Variants in NEGR1 observed in about 807,000 individuals in gnomAD.
The protein encoded by NEGR1 is neuronal growth regulator 1.
NEGR1 carries 10 observed loss-of-function variants against 40.9 expected under a neutral mutation model. The ratio of observed to expected loss-of-function variants is 0.24; its 90% CI spans 0.15 to 0.42. The LOEUF is 0.42. Among genes scored for constraint, NEGR1 ranks in the 10% least tolerant of loss-of-function variants. The pLI is 1.00. For missense variants in NEGR1, 352 were observed against 438.9 expected (o/e 0.80, Z 1.77); for synonymous variants, 185 against 166.8 (o/e 1.11, Z -0.84).
At chr1:72,057,206 A>G (rs971677641) in intron 1 of NEGR1, among the ~76,000 whole-genome samples, 4 of 151,670 alleles carry the variant, frequency 2.6e-5, no homozygotes, top group Non-Finnish European at 5.9e-5. Context: ...TACACAAATT[A>G]CTTACAACAG....
chr1:71,610,885 GC>G, intron 5 of NEGR1, 140 bp downstream of exon 5: 1 of 736,016 alleles, frequency 1.4e-6, no homozygotes, highest in Non-Finnish European at 2.2e-6. Flanking sequence ...TCCCACGTGG[GC>G]CCCTTCAGTT....
At chr1:71,731,805 A>G (rs1378904848) in intron 3 of NEGR1, among the ~76,000 whole-genome samples, 2 of 152,184 alleles carry the variant, frequency 1.3e-5, no homozygotes, top group African/African-American at 2.4e-5. Flanking sequence ...GCACTGATAT[A>G]AAACTGTCAA....
chr1:72,257,077 C>G (rs1655294127), intron 1 of NEGR1, among the ~76,000 whole-genome samples: 1 of 152,060 alleles, frequency 6.6e-6, no homozygotes, highest in Non-Finnish European at 1.5e-5. Flanking sequence ...AATCCCAGCA[C>G]TTTGGGAGGC....
At chr1:71,533,631 A>G (rs1261401765) in intron 6 of NEGR1, among the ~76,000 whole-genome samples, 8 of 151,680 alleles carry the variant, frequency 5.3e-5, no homozygotes, top group Admixed American at 5.3e-4. Context: ...GTGTCAGTGG[A>G]ATATCAATAT....
intron 5 of NEGR1, among the ~76,000 whole-genome samples, chr1:71,603,989 C>T (rs889346042): frequency 3.9e-5 from 6 of 152,064 alleles, no homozygotes; most frequent in African/African-American, 7.2e-5. Context: ...AGCCATGTTA[C>T]ATTAAACTAA....
chr1:71,677,612 G>T (rs1652688162), intron 4 of NEGR1, among the ~76,000 whole-genome samples: 1 of 152,088 alleles, frequency 6.6e-6, no homozygotes, highest in Admixed American at 6.6e-5. Flanking sequence ...GTTCACATTT[G>T]CTATTCATTA....
At chr1:72,159,031 G>C (rs981656015) in intron 1 of NEGR1, among the ~76,000 whole-genome samples, 24 of 152,102 alleles carry the variant, frequency 1.6e-4, no homozygotes, top group Admixed American at 1.6e-3. Flanking sequence ...ACTGCTGATG[G>C]TGAGTACTTT....
intron 3 of NEGR1, among the ~76,000 whole-genome samples, chr1:71,774,415 G>A (rs889765884): frequency 4.6e-5 from 7 of 152,086 alleles, no homozygotes; most frequent in Non-Finnish European, 1.0e-4. Flanking sequence ...AAATATTGTA[G>A]GGGACATAAT....
chr1:71,948,351 A>AT (rs1646039277), intron 1 of NEGR1, among the ~76,000 whole-genome samples: 1 of 151,874 alleles, frequency 6.6e-6, no homozygotes, highest in South Asian at 2.1e-4. Context: ...ATAAATATTT[A>AT]TTTTTAAATA....
intron 1 of NEGR1, among the ~76,000 whole-genome samples, chr1:72,163,017 A>T (rs1651634635): frequency 6.6e-6 from 1 of 152,132 alleles, no homozygotes; most frequent in Non-Finnish European, 1.5e-5. Context: ...TTAAAAAAAT[A>T]GATTTAGGTT....
At chr1:71,605,760 A>G (rs1650056430) in intron 5 of NEGR1, among the ~76,000 whole-genome samples, 1 of 152,216 alleles carries the variant, frequency 6.6e-6, no homozygotes, top group Non-Finnish European at 1.5e-5. Flanking sequence ...TTAAATAAAT[A>G]CATAGTAAAA....
At position 71,682,505 on chromosome 1, in the gene NEGR1, C is replaced by T. The variant is rs114195650; in HGVS notation, c.667+15503G>A. Reference sequence around the variant, plus strand: ...TTCATATACAGAGTTATTTTTGAGGCCTAGGTTGAAGTTGTATTTCTTCAG... The same window carrying T: ...TTCATATACAGAGTTATTTTTGAGGTCTAGGTTGAAGTTGTATTTCTTCAG... On this transcript the variant is annotated intron_variant, in intron 4 of 6. Coordinates refer to ENST00000357731, the MANE Select transcript of NEGR1 (RefSeq NM_173808.3). Among the ~76,000 whole-genome samples the T allele has an allele frequency of 4.3e-3, 650 of 152,158 alleles. 6 individuals are homozygous for T. Among genetic ancestry groups the T allele is most frequent in the African/African-American group, 0.015 (619 of 41,500 alleles).
chr1:71,918,627 A>G (rs1028103202), intron 2 of NEGR1, among the ~76,000 whole-genome samples: 4 of 152,114 alleles, frequency 2.6e-5, no homozygotes, highest in African/African-American at 7.2e-5. Context: ...CTTGAAAAAC[A>G]CACATAGCTT....
chr1:71,533,926 A>C (rs978548547), intron 6 of NEGR1, among the ~76,000 whole-genome samples: 1 of 151,680 alleles, frequency 6.6e-6, no homozygotes, highest in Non-Finnish European at 1.5e-5. Flanking sequence ...TTAATTCAGC[A>C]CTCATTTCAC....
intron 2 of NEGR1, among the ~76,000 whole-genome samples, chr1:71,800,414 T>C (rs1167405381): frequency 6.6e-6 from 1 of 152,170 alleles, no homozygotes; most frequent in African/African-American, 2.4e-5. Context: ...GATCATGAAG[T>C]CTTTGCCCAT....
intron 1 of NEGR1, among the ~76,000 whole-genome samples, chr1:72,004,813 A>G (rs1258488113): frequency 6.6e-6 from 1 of 152,188 alleles, no homozygotes; most frequent in Non-Finnish European, 1.5e-5. Flanking sequence ...ATACATTTCA[A>G]TATCCTGGAG....
At chr1:71,470,030 G>T (rs1244652704) in intron 6 of NEGR1, among the ~76,000 whole-genome samples, 1 of 152,016 alleles carries the variant, frequency 6.6e-6, no homozygotes, top group Non-Finnish European at 1.5e-5. Flanking sequence ...GAAAGGCTTG[G>T]CCATATCAAA....
intron 2 of NEGR1, among the ~76,000 whole-genome samples, chr1:71,927,851 A>AAAG (rs1557437874): frequency 4.0e-5 from 5 of 125,382 alleles, no homozygotes; most frequent in African/African-American, 1.6e-4. Flanking sequence ...AAAAAAAAAA[A>AAAG]GCCAGGCAGA....
At chr1:71,538,690 A>G (rs922588118) in intron 6 of NEGR1, among the ~76,000 whole-genome samples, 3 of 151,768 alleles carry the variant, frequency 2.0e-5, no homozygotes, top group African/African-American at 7.2e-5. Context: ...CAAGCCTCTT[A>G]GAGCACTGGA....
Sources: allele counts gnomAD v4.1 joint callset (sites outside exome capture counted in the v4.1 genomes callset), GRCh38; gene constraint gnomAD v4.1.1; transcripts MANE v1.5; gene names NCBI Gene and HGNC (gene_info 2026-07-23, HGNC 2026-07-21).